TIMP2: variants seen among roughly 807,000 people sequenced by gnomAD.
The protein encoded by TIMP2 is metalloproteinase inhibitor 2.
A neutral mutation model predicts 24.3 loss-of-function variants in TIMP2; 5 were observed. That is an observed-to-expected ratio of 0.21 (90% CI 0.11 to 0.43). TIMP2 has a LOEUF of 0.43. Among genes scored for constraint, TIMP2 ranks in the 20% least tolerant of loss-of-function variants. The probability of loss-of-function intolerance (pLI) is 1.00; values close to 1 mark genes in which losing one functional copy is unlikely to be tolerated. For synonymous variants in TIMP2, 130 were observed against 123.2 expected, an observed-to-expected ratio of 1.06 and a Z score of -0.37; for missense variants, 221 against 297.5, an observed-to-expected ratio of 0.74 and a Z score of 1.89.
At chr17:78,892,505 G>T in intron 1 of TIMP2, 1 of 1,504,222 alleles carries the variant, frequency 6.6e-7, no homozygotes, top group Non-Finnish European at 8.9e-7. Flanking sequence ...TCGCTCCCAG[G>T]AGAGTGAGCA....
chr17:78,899,478 C>A (rs2070055778), intron 1 of TIMP2: 1 of 152,232 alleles, frequency 6.6e-6, no homozygotes, highest in Non-Finnish European at 1.5e-5. Flanking sequence ...GATTCCTGGG[C>A]CTCACCCCTG....
rs2070300545 is a variant in TIMP2 at position 78,920,415 on chromosome 17, C to T, written c.130+4544G>A. Reference sequence around the variant, plus strand: ...TCTGAGGCTGGCACTGTCCTCAGATCCCAGATAGGGAGAAACGTGTGTTGT... The same window carrying T: ...TCTGAGGCTGGCACTGTCCTCAGATTCCAGATAGGGAGAAACGTGTGTTGT... On this transcript the variant is annotated intron_variant, in intron 1 of 4. Coordinates refer to ENST00000262768, the MANE Select transcript of TIMP2 (RefSeq NM_003255.5). The surrounding 1 kb of genome is among the most constrained non-coding windows in gnomAD (Gnocchi z 4.5). 6.6e-6 allele frequency among the ~76,000 whole-genome samples: 1 copy of T among 152,150 alleles called. No individual in the cohort carries two copies. Among genetic ancestry groups the T allele is most frequent in the African/African-American group, 2.4e-5 (1 of 41,424 alleles).
At chr17:78,885,344 G>A (rs531094992) in intron 1 of TIMP2, among the ~76,000 whole-genome samples, 1 of 152,368 alleles carries the variant, frequency 6.6e-6, no homozygotes, top group African/African-American at 2.4e-5. Context: ...CGGAGCAGGA[G>A]AACCGTGCGG....
intron 1 of TIMP2, among the ~76,000 whole-genome samples, chr17:78,883,442 G>T (rs186285022): frequency 1.3e-5 from 2 of 152,288 alleles, no homozygotes; most frequent in East Asian, 3.9e-4. Flanking sequence ...GGTGAAAAAC[G>T]CCTGGAATGA....
intron 1 of TIMP2, among the ~76,000 whole-genome samples, chr17:78,915,160 G>A (rs1442653049): frequency 6.6e-6 from 1 of 152,102 alleles, no homozygotes; most frequent in African/African-American, 2.4e-5. Context: ...GCCTCCCAAA[G>A]TGCTGGGATT....
rs1279936877 is a variant in TIMP2, at chr17:78,853,793, AC to A, written c.*1873del. ...AAAAACAAACCAAAACATTAAAAAA[AC>A]AATCAGCAGAAACAGGAGTAAATGT... is the stretch of plus-strand genomic sequence containing the variant. On this transcript the variant is annotated 3_prime_UTR_variant, in exon 5 of 5. Transcript: ENST00000262768. 1 of 152,684 alleles carries A rather than the reference AC, an allele frequency of 6.5e-6. No individual in the cohort carries two copies. Among genetic ancestry groups the A allele is most frequent in the African/African-American group, 2.4e-5 (1 of 41,482 alleles). The allele number at this position is 152,684 out of a possible 1,614,324, so 9.5% of individuals were successfully genotyped here.
At chr17:78,868,054 C>G (rs1174194768) in intron 3 of TIMP2, among the ~76,000 whole-genome samples, 1 of 152,188 alleles carries the variant, frequency 6.6e-6, no homozygotes, top group African/African-American at 2.4e-5. Flanking sequence ...TTGTCTCTAA[C>G]ACGGGGCTGG....
At chr17:78,892,900 G>A (rs1208803360) in intron 1 of TIMP2, among the ~76,000 whole-genome samples, 4 of 152,166 alleles carry the variant, frequency 2.6e-5, no homozygotes, top group Admixed American at 2.0e-4. Flanking sequence ...CAAGGGTTAG[G>A]ATTCAGGTAG....
chr17:78,906,880 G>C (rs2070164235), intron 1 of TIMP2, among the ~76,000 whole-genome samples: 1 of 152,102 alleles, frequency 6.6e-6, no homozygotes, highest in Non-Finnish European at 1.5e-5. Flanking sequence ...ACCGTGTCTG[G>C]CCGGCAGGCC....
At chr17:78,918,076 A>ACACTCT (rs2070277834) in intron 1 of TIMP2, among the ~76,000 whole-genome samples, 6 of 146,206 alleles carry the variant, frequency 4.1e-5, no homozygotes, top group Admixed American at 3.4e-4. Flanking sequence ...ACACACACAC[A>ACACTCT]CACACACACA....
In TIMP2 at chr17:78,888,671, G is replaced by A. The variant is rs373637679; in HGVS notation, c.131-14752C>T. Among the ~76,000 whole-genome samples the A allele has an allele frequency of 1.8e-4, 28 of 152,048 alleles. 2 individuals are homozygous for A. The highest frequency in any genetic ancestry group is 3.9e-4 in the East Asian group (2 of 5,148). On this transcript the variant is annotated intron_variant, in intron 1 of 4. Transcript: ENST00000262768. ...TCCCCATGTTGCCCACGCTGGTCTC[G>A]AATTCCTGGGCTCAAGTGATCCTCC...
chr17:78,900,374 C>T (rs562231650), intron 1 of TIMP2, among the ~76,000 whole-genome samples: 2 of 152,124 alleles, frequency 1.3e-5, no homozygotes, highest in South Asian at 2.1e-4. Context: ...GGTGAAACCT[C>T]GTCTCTACTA....
At position 78,880,581 on chromosome 17, in the gene TIMP2, C is replaced by A. The variant is rs538004230; in HGVS notation, c.131-6662G>T. Among the ~76,000 whole-genome samples, 37 of 152,218 alleles carry A rather than the reference C, an allele frequency of 2.4e-4. 1 individual carries two copies. The highest frequency in any genetic ancestry group is 8.4e-4 in the African/African-American group (35 of 41,534). On this transcript the variant is annotated intron_variant, in intron 1 of 4. Transcript: ENST00000262768. ...AACAAAAATTAGCTGGGCGTGGTGG[C>A]ATCTGCCTATAGTCCCAGCTACTCA...
rs1265888372 is a variant in TIMP2 at position 78,920,228 on chromosome 17, C to T, written c.130+4731G>A. Among the ~76,000 whole-genome samples the T allele has an allele frequency of 1.3e-5, 2 of 152,180 alleles. No homozygotes were observed. Among genetic ancestry groups the T allele is most frequent in the African/African-American group, 4.8e-5 (2 of 41,440 alleles). ...TCAGATGTCGCCACAGAGTCTGAAC[C>T]TCTCAGCCCACACCAGTGGCATCTA... On this transcript the variant is annotated intron_variant, in intron 1 of 4. Coordinates refer to ENST00000262768, the MANE Select transcript of TIMP2 (RefSeq NM_003255.5). This position sits in a 1 kb window ranked among gnomAD's most constrained non-coding sequence, Gnocchi z 4.5.
chr17:78,889,341 G>A (rs759786574), intron 1 of TIMP2, among the ~76,000 whole-genome samples: 3 of 152,210 alleles, frequency 2.0e-5, no homozygotes, highest in Non-Finnish European at 4.4e-5. Context: ...CCCAGGTGCC[G>A]ACACCCTTGC....
intron 3 of TIMP2, among the ~76,000 whole-genome samples, chr17:78,867,954 C>CTGT (rs35028903): frequency 0.27 from 40,589 of 151,800 alleles, 6,130 homozygotes; most frequent in African/African-American, 0.4. Context: ...CAAGCAAAAT[C>CTGT]TATTTTCTTT....
intron 1 of TIMP2, among the ~76,000 whole-genome samples, chr17:78,909,954 G>A (rs1305033689): frequency 6.6e-6 from 1 of 152,166 alleles, no homozygotes; most frequent in African/African-American, 2.4e-5. Flanking sequence ...CCGGTGTGAT[G>A]CTTTAAGGAA....
At chr17:78,885,219 C>A (rs1008174221) in intron 1 of TIMP2, among the ~76,000 whole-genome samples, 14 of 152,212 alleles carry the variant, frequency 9.2e-5, no homozygotes, top group Admixed American at 6.5e-4. Context: ...AAAGATGGGG[C>A]CGGAGGACGA....
intron 1 of TIMP2, among the ~76,000 whole-genome samples, chr17:78,882,123 C>A (rs774137599): frequency 6.6e-6 from 1 of 152,192 alleles, no homozygotes; most frequent in Admixed American, 6.5e-5. Flanking sequence ...CGCCACCATG[C>A]CCGGCTGATT....
Sources: allele counts gnomAD v4.1 joint callset (sites outside exome capture counted in the v4.1 genomes callset), GRCh38; gene constraint gnomAD v4.1.1; non-coding constraint Gnocchi (gnomAD v3.1); transcripts MANE v1.5; gene names NCBI Gene and HGNC (gene_info 2026-07-23, HGNC 2026-07-21).